Variants in DOCK4 observed in about 807,000 individuals in gnomAD.
The protein encoded by DOCK4 is dedicator of cytokinesis protein 4.
A neutral mutation model predicts 268.1 loss-of-function variants in DOCK4; 97 were observed. That is an observed-to-expected ratio of 0.36 (90% CI 0.31 to 0.43). DOCK4 has a LOEUF of 0.43. DOCK4 is among the 20% of genes least tolerant of loss of function. DOCK4 has a pLI of 1.00. For missense variants in DOCK4, 2,145 were observed against 2,455.7 expected, an observed-to-expected ratio of 0.87 and a Z score of 2.67; for synonymous variants, 954 against 887.2, an observed-to-expected ratio of 1.08 and a Z score of -1.34.
At position 111,944,672 on chromosome 7, in the gene DOCK4, C is replaced by A. The variant is rs114459646; in HGVS notation, c.844+139G>T. The stretch of plus-strand genomic sequence containing the variant: ...GGGAAGGTCTGGGGACAATTCACAA[C>A]TTCTGTGATTCTTGGATTCAAATCT... On this transcript the variant is annotated intron_variant, in intron 10 of 52. Coordinates refer to ENST00000428084, the MANE Select transcript of DOCK4 (RefSeq NM_001363540.2). 822 of 828,196 alleles carry A rather than the reference C, an allele frequency of 9.9e-4. 8 individuals are homozygous for A. In the African/African-American group the frequency reaches 0.012, roughly 12 times the overall value. The allele number at this position is 828,196 out of a possible 1,614,324, so 51.3% of individuals were successfully genotyped here. A position where few individuals can be genotyped will look rare whatever the true frequency, so the allele number is the denominator to read the frequency against.
At chr7:111,977,414 T>C in intron 7 of DOCK4, 131 bp from the exon 8 acceptor site, 1 of 969,642 alleles carries the variant, frequency 1.0e-6, no homozygotes, top group Non-Finnish European at 1.4e-6. Context: ...GTGGATTTGG[T>C]ATCTAAATCC....
At chr7:111,932,925 G>C (rs999635360) in intron 12 of DOCK4, among the ~76,000 whole-genome samples, 1 of 151,764 alleles carries the variant, frequency 6.6e-6, no homozygotes, top group Non-Finnish European at 1.5e-5. Flanking sequence ...GTTTAGAGTA[G>C]AACTGGATTT....
rs574425689 is a variant in DOCK4, at chr7:111,783,880, T to C, written c.3501A>G (p.Leu1167=). The C allele has an allele frequency of 2.3e-5, 37 of 1,603,894 alleles. No homozygotes were observed. In the East Asian group the frequency reaches 3.4e-4, roughly 15 times the overall value. ...ACCTGTAATCTAACAACCTCTCCAT[T>C]AGACGAGTTACAGTAGCAATTAATG... ...GVSLIATVTR[L]MERLLDYRDC... Residue 1167 remains leucine (L), a synonymous_variant, in exon 34 of 53, where the codon CTA becomes CTG. Transcript: ENST00000428084.
intron 21 of DOCK4, 56 bp downstream of exon 21, chr7:111,869,518 G>T: frequency 6.7e-7 from 1 of 1,495,812 alleles, no homozygotes; most frequent in Non-Finnish European, 9.3e-7. Context: ...ATTAGTTTAA[G>T]CATCAGCATG....
intron 15 of DOCK4, among the ~76,000 whole-genome samples, chr7:111,898,469 G>C (rs920706035): frequency 6.6e-6 from 1 of 152,188 alleles, no homozygotes; most frequent in South Asian, 2.1e-4. Flanking sequence ...CTTGCTATCT[G>C]ATGTACTATG....
intron 1 of DOCK4, among the ~76,000 whole-genome samples, chr7:112,022,655 G>A (rs73717937): frequency 0.01 from 1,566 of 152,312 alleles, 29 homozygotes; most frequent in African/African-American, 0.035. Context: ...TGAGTCCCAT[G>A]GAGAACATGG....
intron 22 of DOCK4, among the ~76,000 whole-genome samples, chr7:111,866,976 G>C (rs1161263128): frequency 2.0e-5 from 3 of 152,126 alleles, no homozygotes; most frequent in Non-Finnish European, 4.4e-5. Context: ...GAGGTCTCTG[G>C]CAAGTTCCCA....
intron 24 of DOCK4, among the ~76,000 whole-genome samples, chr7:111,845,546 G>A (rs957189646): frequency 4.6e-5 from 7 of 152,082 alleles, no homozygotes; most frequent in African/African-American, 1.7e-4. Flanking sequence ...GACTGTATGT[G>A]GAGTTGGGTT....
intron 1 of DOCK4, among the ~76,000 whole-genome samples, chr7:112,166,185 A>G (rs1053906060): frequency 6.6e-6 from 1 of 152,220 alleles, no homozygotes; most frequent in African/African-American, 2.4e-5. Flanking sequence ...ACTAAAAGGC[A>G]TATTTTAAGT....
In DOCK4 at chr7:111,859,397, T is replaced by C. The variant is rs140233950; in HGVS notation, c.2473+3975A>G. The stretch of plus-strand genomic sequence containing the variant: ...TTATTTCCATATTTTGGTGATGCTA[T>C]TGTTTTATGTTTATAATAAAAGAAT... On this transcript the variant is annotated intron_variant, in intron 23 of 52. Coordinates refer to ENST00000428084, the MANE Select transcript of DOCK4 (RefSeq NM_001363540.2). Among the ~76,000 whole-genome samples the C allele has an allele frequency of 5.2e-3, 794 of 152,236 alleles. 8 individuals are homozygous for C. The highest frequency in any genetic ancestry group is 0.018 in the African/African-American group (751 of 41,554).
chr7:112,116,369 A>G, intron 1 of DOCK4, among the ~76,000 whole-genome samples: 1 of 152,206 alleles, frequency 6.6e-6, no homozygotes. Flanking sequence ...GCTCAATAAT[A>G]TTCTATTGTA....
intron 8 of DOCK4, among the ~76,000 whole-genome samples, chr7:111,952,758 T>C (rs1010637540): frequency 6.6e-6 from 1 of 152,216 alleles, no homozygotes; most frequent in Admixed American, 6.5e-5. Flanking sequence ...AATAGATTTA[T>C]GGTCTCCAAG....
At chr7:111,983,833 T>TATA (rs1798792778) in intron 7 of DOCK4, among the ~76,000 whole-genome samples, 1 of 120,314 alleles carries the variant, frequency 8.3e-6, no homozygotes, top group Non-Finnish European at 1.7e-5. Context: ...CTATTATGTA[T>TATA]GTACACACAC....
intron 12 of DOCK4, among the ~76,000 whole-genome samples, chr7:111,919,035 G>A (rs1022511662): frequency 1.2e-4 from 18 of 152,060 alleles, no homozygotes; most frequent in Admixed American, 1.3e-4. Context: ...AGAAGTTGGA[G>A]AGAGAAAAAC....
intron 1 of DOCK4, among the ~76,000 whole-genome samples, chr7:112,187,666 G>A (rs768972495): frequency 6.6e-6 from 1 of 152,156 alleles, no homozygotes; most frequent in Non-Finnish European, 1.5e-5. Flanking sequence ...GTCATGCCAT[G>A]ATGACATTCT....
intron 10 of DOCK4, among the ~76,000 whole-genome samples, chr7:111,943,928 T>C (rs188403832): frequency 6.6e-6 from 1 of 152,334 alleles, no homozygotes; most frequent in East Asian, 1.9e-4. Context: ...CAGGACTACA[T>C]GGCAAGATAT....
chr7:111,758,093 A>T (rs1003115700), intron 41 of DOCK4, among the ~76,000 whole-genome samples: 2 of 152,178 alleles, frequency 1.3e-5, no homozygotes, highest in Non-Finnish European at 2.9e-5. Context: ...CGGAGTCCTG[A>T]GAAGTTCTAA....
At chr7:112,071,860 CA>C (rs1370500065) in intron 1 of DOCK4, among the ~76,000 whole-genome samples, 1 of 152,088 alleles carries the variant, frequency 6.6e-6, no homozygotes, top group East Asian at 1.9e-4. Flanking sequence ...AAAATCTTGT[CA>C]AAGGAAGGGT....
chr7:112,131,324 G>A (rs1488372592), intron 1 of DOCK4, among the ~76,000 whole-genome samples: 1 of 152,166 alleles, frequency 6.6e-6, no homozygotes, highest in Non-Finnish European at 1.5e-5. Flanking sequence ...TACCTGGGAA[G>A]GGCAAAAGGA....
Sources: allele counts gnomAD v4.1 joint callset (sites outside exome capture counted in the v4.1 genomes callset), GRCh38; gene constraint gnomAD v4.1.1; transcripts MANE v1.5; gene names NCBI Gene and HGNC (gene_info 2026-07-23, HGNC 2026-07-21).